FAM13B: variants seen among roughly 807,000 people sequenced by gnomAD.
FAM13B encodes protein FAM13B.
Under a neutral mutation model 117.3 loss-of-function variants are expected in FAM13B, and 60 were observed. The observed-to-expected ratio is 0.51, with a 90% CI of 0.42 to 0.63. The LOEUF (loss-of-function observed/expected upper bound fraction) is 0.63, where lower values mean the gene tolerates loss of function less well. Among genes scored for constraint, FAM13B ranks in the 30% least tolerant of loss-of-function variants. The pLI is 0.00. For missense variants in FAM13B, 972 were observed against 1,091.9 expected (o/e 0.89, Z 1.55); for synonymous variants, 332 against 356.1 (o/e 0.93, Z 0.76).
chr5:138,041,087 GAA>G (rs1791488686), intron 1 of FAM13B, among the ~76,000 whole-genome samples: 1 of 143,210 alleles, frequency 7.0e-6, no homozygotes, highest in African/African-American at 2.6e-5. Context: ...AAAAAGAAAA[GAA>G]AAGACACTAA....
chr5:137,991,691 T>TA (rs1778634366), intron 7 of FAM13B, among the ~76,000 whole-genome samples: 1 of 152,186 alleles, frequency 6.6e-6, no homozygotes, highest in African/African-American at 2.4e-5. Flanking sequence ...GGCAGTGTTT[T>TA]AAAAAATGAA....
chr5:137,982,266 C>T (rs1471604592), intron 10 of FAM13B, among the ~76,000 whole-genome samples: 1 of 151,910 alleles, frequency 6.6e-6, no homozygotes, highest in East Asian at 1.9e-4. Flanking sequence ...AGTCATAAAA[C>T]CTTTGGCTGG....
At chr5:137,967,332 T>C (rs1406781088) in intron 10 of FAM13B, among the ~76,000 whole-genome samples, 1 of 151,840 alleles carries the variant, frequency 6.6e-6, no homozygotes, top group African/African-American at 2.4e-5. Context: ...AAGACCAGCC[T>C]GGCCAAGATG....
intron 8 of FAM13B, 83 bp downstream of exon 8, chr5:137,988,191 G>T: frequency 9.5e-7 from 1 of 1,052,970 alleles, no homozygotes; most frequent in Non-Finnish European, 1.4e-6. Flanking sequence ...TCTAAAGTGA[G>T]CACAAGTACA....
At chr5:138,029,580 A>T (rs942509862) in intron 1 of FAM13B, among the ~76,000 whole-genome samples, 5 of 152,150 alleles carry the variant, frequency 3.3e-5, no homozygotes, top group African/African-American at 1.2e-4. Flanking sequence ...CCTAATTCTA[A>T]ATTTCAGCTC....
At chr5:137,964,634 T>G (rs779591630) in intron 10 of FAM13B, among the ~76,000 whole-genome samples, 1 of 151,788 alleles carries the variant, frequency 6.6e-6, no homozygotes, top group Admixed American at 6.6e-5. Context: ...GACAGGAGAA[T>G]TGCTTGAACC....
chr5:138,021,052 A>C lies in FAM13B; in HGVS notation c.-57T>G. On this transcript the variant is annotated 5_prime_UTR_variant, in exon 2 of 24. Transcript: ENST00000689681. ...TTACCTTTCAGTACTTAAATACCTA[A>C]GTTTAAAAAATGGCTTCTGCACCAG... The C allele has an allele frequency of 3.2e-6, 4 of 1,231,576 alleles. No individual in the cohort carries two copies. In the South Asian group the frequency reaches 1.6e-4, roughly 51 times the overall value. The allele number at this position is 1,231,576 out of a possible 1,614,324, so 76.3% of individuals were successfully genotyped here.
rs778730715 is a variant in FAM13B at position 137,954,216 on chromosome 5, T to C, written c.1668A>G (p.Leu556=). 6.2e-7 allele frequency: 1 copy of C among 1,614,096 alleles called. No individual in the cohort carries two copies. The part of the protein sequence containing the change: ...SLDFGQSQRF[L]HDPEKLDSSS... ...AGGAATCCAACTTTTCTGGATCATG[T>C]AGGAAACGCTGGCTTTGACCAAAAT... The change falls in exon 15 of 24, where the codon CTA becomes CTG. Residue 556 remains leucine (L), a synonymous_variant. Transcript: ENST00000689681.
chr5:138,045,533 A>C lies in FAM13B; in HGVS notation c.-203+6345T>G, dbSNP rs1175870122. Among the ~76,000 whole-genome samples the C allele has an allele frequency of 2.6e-5, 4 of 152,214 alleles. No homozygotes were observed. The East Asian group carries it at 5.8e-4, about 22-fold the overall frequency. On this transcript the variant is annotated intron_variant, in intron 1 of 3. Coordinates refer to the FAM13B transcript ENST00000502471. ...GGGCAACAGAGCCAGACCCCATCTC[A>C]AAAACAAAAAAAGAAAAAAAGGATG... is the stretch of plus-strand genomic sequence containing the variant.
intron 7 of FAM13B, among the ~76,000 whole-genome samples, chr5:137,998,761 T>C (rs1300328069): frequency 2.6e-5 from 4 of 152,236 alleles, no homozygotes; most frequent in Non-Finnish European, 5.9e-5. Context: ...ATCTGGAAGA[T>C]TACAGAACTC....
At chr5:137,978,139 G>T (rs952451729) in intron 10 of FAM13B, among the ~76,000 whole-genome samples, 2 of 151,448 alleles carry the variant, frequency 1.3e-5, no homozygotes, top group Non-Finnish European at 1.5e-5. Flanking sequence ...AATTTTAAAT[G>T]ACTCAACTAT....
intron 1 of FAM13B, among the ~76,000 whole-genome samples, chr5:138,051,123 C>T (rs1292636405): frequency 6.6e-6 from 1 of 152,100 alleles, no homozygotes; most frequent in Non-Finnish European, 1.5e-5. Flanking sequence ...GACCTCTTTT[C>T]ATACATTTAT....
chr5:138,002,063 C>T (rs1328359989), intron 7 of FAM13B, among the ~76,000 whole-genome samples: 1 of 152,180 alleles, frequency 6.6e-6, no homozygotes, highest in Non-Finnish European at 1.5e-5. Context: ...GAATGAAACG[C>T]TCTTACCTCT....
Position 138,011,067 on chromosome 5 carries a change from A to T in FAM13B, c.631T>A (p.Phe211Ile). 8 of 1,609,700 alleles carry T rather than the reference A, an allele frequency of 5.0e-6. No individual in the cohort carries two copies. The highest frequency in any genetic ancestry group is 6.8e-6 in the Non-Finnish European group (8 of 1,179,224). ...AAATCTTCCTCTTCATTCTCAAAAA[A>T]CTCATAGTAGTTTTCCAGAAGTCCA... The part of the protein sequence containing the change: ...MAGLLENYYE[F>I]FENEEEDFSS... Residue 211 changes from phenylalanine to isoleucine, a missense_variant, in exon 6 of 24, where the codon TTT becomes ATT. Coordinates refer to ENST00000689681, the MANE Select transcript of FAM13B (RefSeq NM_001385994.1).
At chr5:137,979,132 C>T (rs1312350179) in intron 10 of FAM13B, among the ~76,000 whole-genome samples, 3 of 151,998 alleles carry the variant, frequency 2.0e-5, no homozygotes, top group African/African-American at 7.3e-5. Context: ...CCAGCCTCAG[C>T]CTCCCGAGTA....
intron 18 of FAM13B, among the ~76,000 whole-genome samples, chr5:137,948,620 C>G (rs1764077657): frequency 1.3e-5 from 2 of 152,100 alleles, no homozygotes; most frequent in African/African-American, 2.4e-5. Flanking sequence ...GTCTCGAACT[C>G]CTGGGCTCAG....
intron 10 of FAM13B, among the ~76,000 whole-genome samples, chr5:137,967,639 T>G (rs997209701): frequency 4.6e-5 from 7 of 152,070 alleles, no homozygotes; most frequent in African/African-American, 1.7e-4. Flanking sequence ...ACATCTGTAA[T>G]TCCAGTATTT....
At chr5:137,961,790 A>C (rs1219163674) in intron 11 of FAM13B, among the ~76,000 whole-genome samples, 1 of 152,196 alleles carries the variant, frequency 6.6e-6, no homozygotes, top group Non-Finnish European at 1.5e-5. Context: ...CATCTTGAAG[A>C]CTGATGCAAA....
chr5:137,957,873 GA>G (rs1308512068), intron 13 of FAM13B, among the ~76,000 whole-genome samples: 1 of 151,718 alleles, frequency 6.6e-6, no homozygotes, highest in Non-Finnish European at 1.5e-5. Context: ...TTCTGACATG[GA>G]AAAAAAAGAC....
Sources: gnomAD v4.1 joint callset for allele counts (sites outside exome capture counted in the v4.1 genomes callset) on GRCh38, gnomAD v4.1.1 for gene constraint, MANE v1.5 for transcripts, NCBI Gene and HGNC (gene_info 2026-07-23, HGNC 2026-07-21) for gene names.